The following PUS1 variants were observed in gnomAD, a reference collection of about 807,000 sequenced individuals.
PUS1 encodes the protein pseudouridine synthase 1, also known as pseudouridylate synthase 1 homolog.
Under a neutral mutation model 38.5 loss-of-function variants are expected in PUS1, and 25 were observed. The ratio of observed to expected loss-of-function variants is 0.65; its 90% CI spans 0.47 to 0.91. The LOEUF is 0.91. PUS1 is among the 40% of genes least tolerant of loss of function. The pLI is 0.00. For missense variants in PUS1, 597 were observed against 612.3 expected (o/e 0.97, Z 0.26); for synonymous variants, 282 against 260.4 (o/e 1.08, Z -0.80).
rs143908224 is a variant in PUS1 at position 131,943,328 on chromosome 12, G to A, written c.1237-211G>A. On this transcript the variant is annotated intron_variant, in intron 5 of 5. Transcript: ENST00000376649. ...GAGGATGTGAAGGAGCCCAACAAAGGCCCCTCTAGTGTCCCCAGCCCTTGG... is the reference window on the plus strand; with the variant it reads ...GAGGATGTGAAGGAGCCCAACAAAGACCCCTCTAGTGTCCCCAGCCCTTGG... Among the ~76,000 whole-genome samples the A allele has an allele frequency of 7.4e-4, 112 of 152,316 alleles. 1 individual carries two copies. The highest frequency in any genetic ancestry group is 2.6e-3 in the African/African-American group (110 of 41,566).
In PUS1 at chr12:131,945,678, G is replaced by T. The variant is rs1392735091; in HGVS notation, c.*2092G>T. 6.6e-6 allele frequency: 1 copy of T among 152,132 alleles called. No homozygotes were observed. The highest frequency in any genetic ancestry group is 1.5e-5 in the Non-Finnish European group (1 of 68,040). 9.4% of individuals were successfully genotyped at this position (152,132 alleles called of 1,614,324 possible). On this transcript the variant is annotated 3_prime_UTR_variant, in exon 6 of 6. Transcript: ENST00000376649. ...CGCCCGGCTGATTTTTGTATTTTTG[G>T]TAGAGACAGGGTTTCACCATGTTGG...
At position 131,943,583 on chromosome 12, in the gene PUS1, C is replaced by T; in HGVS notation, c.1281C>T (p.Asp427=). Residue 427 remains aspartate, a synonymous_variant, in exon 6 of 6, where the codon GAC becomes GAT. Coordinates refer to ENST00000376649, the MANE Select transcript of PUS1 (RefSeq NM_025215.6). ...LEGSEGDGDT[D] ...GCAGTGAAGGGGACGGAGACACTGA[C>T]TGAGGCGATGGGAGCTGCCCACCAG... 1 of 1,613,264 alleles carries T rather than the reference C, an allele frequency of 6.2e-7. No individual in the cohort carries two copies.
At chr12:131,939,098 G>A (rs1890956194) in intron 3 of PUS1, 75 bp from the exon 4 acceptor site, 1 of 941,482 alleles carries the variant, frequency 1.1e-6, no homozygotes, top group Admixed American at 2.0e-5. Flanking sequence ...GGTCCGCGTA[G>A]TCCTTCTTTC....
In PUS1 at chr12:131,939,213, G is replaced by A. The variant is rs754855677; in HGVS notation, c.482G>A (p.Trp161Ter). 1 of 1,562,298 alleles carries A rather than the reference G, an allele frequency of 6.4e-7. No homozygotes were observed. Among genetic ancestry groups the A allele is most frequent in the Non-Finnish European group, 8.7e-7 (1 of 1,151,782 alleles). The change falls in exon 4 of 6, where the codon TGG becomes TAG. Residue 161 changes from tryptophan (W) to a stop codon, truncating the protein, a stop_gained. Coordinates refer to ENST00000376649, the MANE Select transcript of PUS1 (RefSeq NM_025215.6). LOFTEE classifies it high-confidence loss of function. ...GGCCAGGTGGTATCCCTGAAGGTGTGGCTGATTGACGACATTCTAGAAAAG... is the reference window on the plus strand; with the variant it reads ...GGCCAGGTGGTATCCCTGAAGGTGTAGCTGATTGACGACATTCTAGAAAAG... ...AAGQVVSLKV[W>*]LIDDILEKIN...
In PUS1 at chr12:131,933,026, AACTC is replaced by A. The variant is rs535064222; in HGVS notation, c.441+722_441+725del. On this transcript the variant is annotated intron_variant, in intron 3 of 5. Coordinates refer to ENST00000376649, the MANE Select transcript of PUS1 (RefSeq NM_025215.6). ...CTTGTAAACCATCAGATCTTGGGAG[AACTC>A]ACTCACTATCACGAGAACAGCATGG... 7.9e-5 allele frequency among the ~76,000 whole-genome samples: 12 copies of A among 151,896 alleles called. No homozygotes were observed. The South Asian group carries it at 2.1e-3, about 26-fold the overall frequency.
intron 3 of PUS1, among the ~76,000 whole-genome samples, chr12:131,936,694 G>T (rs1890851184): frequency 6.6e-6 from 1 of 152,192 alleles, no homozygotes; most frequent in South Asian, 2.1e-4. Flanking sequence ...TTCGAGACCA[G>T]CCTGGCCAAC....
intron 3 of PUS1, among the ~76,000 whole-genome samples, chr12:131,938,806 C>T (rs568067972): frequency 1.3e-5 from 2 of 151,956 alleles, no homozygotes; most frequent in South Asian, 2.1e-4. Context: ...ACTGGAAGCT[C>T]CGCCTCCCGG....
At chr12:131,932,983 G>C (rs1593289412) in intron 3 of PUS1, 2 of 329,218 alleles carry the variant, frequency 6.1e-6, no homozygotes, top group African/African-American at 4.5e-5. Flanking sequence ...AGAGTGAGGA[G>C]GGTAAGGGGA....
Position 131,929,387 on chromosome 12 carries a change from A to G in PUS1, c.-336A>G. On this transcript the variant is annotated 5_prime_UTR_variant, in exon 1 of 6. Transcript: ENST00000376649. ...CCACCGGGCGGGGCGGGAGGTGAAG[A>G]GGCTGGGGAAGTCAGAGGTTAACCT... The G allele has an allele frequency of 3.3e-6, 1 of 306,892 alleles. No individual in the cohort carries two copies. The highest frequency in any genetic ancestry group is 6.0e-6 in the Non-Finnish European group (1 of 166,734). 19.0% of individuals were successfully genotyped at this position (306,892 alleles called of 1,614,324 possible). A position where few individuals can be genotyped will look rare whatever the true frequency, so the allele number is the denominator to read the frequency against.
At chr12:131,931,946 T>C in intron 2 of PUS1, 1 of 630,712 alleles carries the variant, frequency 1.6e-6, no homozygotes, top group Non-Finnish European at 2.9e-6. Flanking sequence ...ATCAAACCTG[T>C]GTTTTGATTC....
chr12:131,930,110 C>A lies in PUS1; in HGVS notation c.278C>A (p.Ser93Ter). The change falls in exon 2 of 6, where the codon TCG (serine) becomes TAG (stop). Residue 93 changes from serine to a stop codon, truncating the protein, a stop_gained. Transcript: ENST00000376649. LOFTEE classifies it high-confidence loss of function. ...AAGATCGTGCTGCTCATGGCCTATT[C>A]GGGCAAGGGCTACCACGGCATGCAG... ...KRKIVLLMAY[S>*]GKGYHGMQRN... is the part of the protein sequence containing the mutation. 1 of 1,428,784 alleles carries A rather than the reference C, an allele frequency of 7.0e-7. No homozygotes were observed. Among genetic ancestry groups the A allele is most frequent in the South Asian group, 1.6e-5 (1 of 62,244 alleles). 88.5% of individuals were successfully genotyped at this position (1,428,784 alleles called of 1,614,324 possible).
chr12:131,943,539 G>C lies in PUS1; in HGVS notation c.1237G>C (p.Val413Leu). 6.2e-7 allele frequency: 1 copy of C among 1,613,422 alleles called. No homozygotes were observed. Among genetic ancestry groups the C allele is most frequent in the Non-Finnish European group, 8.5e-7 (1 of 1,179,422 alleles). The change falls in exon 6 of 6, where the codon GTG becomes CTG. Residue 413 changes from valine to leucine, a missense_variant and splice_region_variant. Transcript: ENST00000376649. ...ALTAGGTGAK[V>L]PSPLEGSEGD... ...TTCTCCATGTGGTCTTCTTCTGCAGGTGCCCAGTCCCCTGGAAGGCAGTGA... is the reference window on the plus strand; with the variant it reads ...TTCTCCATGTGGTCTTCTTCTGCAGCTGCCCAGTCCCCTGGAAGGCAGTGA...
At position 131,943,782 on chromosome 12, in the gene PUS1, T is replaced by G; in HGVS notation, c.*196T>G. Reference sequence around the variant, plus strand: ...GTTTTCAGCTCTTGCATTGCATAGATGAACCTCAGCATGTAAAGAACTATT... The same window carrying G: ...GTTTTCAGCTCTTGCATTGCATAGAGGAACCTCAGCATGTAAAGAACTATT... On this transcript the variant is annotated 3_prime_UTR_variant, in exon 6 of 6. Coordinates refer to ENST00000376649, the MANE Select transcript of PUS1 (RefSeq NM_025215.6). 1.7e-6 allele frequency: 1 copy of G among 592,680 alleles called. No individual in the cohort carries two copies. The highest frequency in any genetic ancestry group is 2.9e-5 in the East Asian group (1 of 34,760). The allele number at this position is 592,680 out of a possible 1,614,324, so 36.7% of individuals were successfully genotyped here.
chr12:131,929,598 G>T lies in PUS1; in HGVS notation c.-125G>T. The T allele has an allele frequency of 4.9e-6, 4 of 820,490 alleles. No homozygotes were observed. Among genetic ancestry groups the T allele is most frequent in the Non-Finnish European group, 7.2e-6 (4 of 558,198 alleles). 50.8% of individuals were successfully genotyped at this position (820,490 alleles called of 1,614,324 possible). A position where few individuals can be genotyped will look rare whatever the true frequency, so the allele number is the denominator to read the frequency against. On this transcript the variant is annotated 5_prime_UTR_variant, in exon 1 of 6. Transcript: ENST00000376649. Reference sequence around the variant, plus strand: ...GGGCGCCGGTTTCCCGGAGGTCAGGGGTCAGAAGGAACAGGGCTGCAGCGT... The same window carrying T: ...GGGCGCCGGTTTCCCGGAGGTCAGGTGTCAGAAGGAACAGGGCTGCAGCGT...
At chr12:131,936,534 G>A (rs948381815) in intron 3 of PUS1, among the ~76,000 whole-genome samples, 23 of 152,020 alleles carry the variant, frequency 1.5e-4, no homozygotes, top group African/African-American at 5.3e-4. Context: ...TTGTACTCCA[G>A]CCTGGGCAAC....
chr12:131,936,988 C>A (rs1000333669), intron 3 of PUS1, among the ~76,000 whole-genome samples: 1 of 152,190 alleles, frequency 6.6e-6, no homozygotes, highest in Non-Finnish European at 1.5e-5. Context: ...GTTGACCCCC[C>A]AGGATGTCTC....
At chr12:131,936,318 T>C (rs1446326362) in intron 3 of PUS1, among the ~76,000 whole-genome samples, 4 of 151,898 alleles carry the variant, frequency 2.6e-5, no homozygotes, top group Non-Finnish European at 5.9e-5. Flanking sequence ...ATCCCAGCAC[T>C]GTGGGAGGCC....
rs931359535 is a variant in PUS1 at position 131,941,073 on chromosome 12, C to A, written c.545-219C>A. 1.8e-6 allele frequency: 1 copy of A among 571,130 alleles called. No individual in the cohort carries two copies. The allele number at this position is 571,130 out of a possible 1,614,324, so 35.4% of individuals were successfully genotyped here. On this transcript the variant is annotated intron_variant, in intron 4 of 5. Coordinates refer to ENST00000376649, the MANE Select transcript of PUS1 (RefSeq NM_025215.6). This position sits in a 1 kb window ranked among gnomAD's most constrained non-coding sequence, Gnocchi z 4.4. ...TACAATAAATGGTTGTAAATTCAGT[C>A]ACCTTATAGAGCACTGCACCTGTCC...
chr12:131,940,347 T>G (rs1327044544), intron 4 of PUS1, among the ~76,000 whole-genome samples: 3 of 152,096 alleles, frequency 2.0e-5, no homozygotes, highest in Non-Finnish European at 4.4e-5. Flanking sequence ...CTGATTATTT[T>G]AAGATTCATC....
Sources: gnomAD v4.1 joint callset for allele counts (sites outside exome capture counted in the v4.1 genomes callset) on GRCh38, gnomAD v4.1.1 for gene constraint, Gnocchi (gnomAD v3.1) non-coding constraint, MANE v1.5 for transcripts, NCBI Gene and HGNC (gene_info 2026-07-23, HGNC 2026-07-21) for gene names.